Variants in LIN54 observed in about 807,000 individuals in gnomAD.
LIN54 encodes the protein protein lin-54 homolog.
A neutral mutation model predicts 78.7 loss-of-function variants in LIN54; 9 were observed. The observed-to-expected ratio is 0.11, with a 90% CI of 0.07 to 0.20. LIN54 has a LOEUF of 0.20. Ranked by LOEUF, LIN54 falls within the 10% of genes least tolerant of loss-of-function variation. LIN54 has a pLI of 1.00. For synonymous variants in LIN54, 269 were observed against 318.4 expected (o/e 0.84, Z 1.65); for missense variants, 573 against 889.9 (o/e 0.64, Z 4.53).
chr4:82,948,768 A>C (rs1018751216), intron 4 of LIN54, among the ~76,000 whole-genome samples: 2 of 152,040 alleles, frequency 1.3e-5, no homozygotes, highest in Non-Finnish European at 2.9e-5. Flanking sequence ...CAGATTCCAC[A>C]TATGTGAGAT....
In LIN54 at chr4:82,951,014, A is replaced by G. The variant is rs1412520693; in HGVS notation, c.952-4540T>C. ...CACTGAATTTGTATAAATACGTATT[A>G]ATATAGTTTTTAAAAATTTGTGACA... On this transcript the variant is annotated intron_variant, in intron 4 of 12. Coordinates refer to ENST00000340417, the MANE Select transcript of LIN54 (RefSeq NM_194282.4). Among the ~76,000 whole-genome samples the G allele has an allele frequency of 9.2e-5, 14 of 152,178 alleles. No individual in the cohort carries two copies. The East Asian group carries it at 2.5e-3, about 27-fold the overall frequency.
chr4:82,930,285 A>G (rs1721844874), intron 12 of LIN54, among the ~76,000 whole-genome samples: 1 of 152,196 alleles, frequency 6.6e-6, no homozygotes, highest in Admixed American at 6.5e-5. Flanking sequence ...ACTTTCTAAT[A>G]CCAGTCCAGT....
chr4:82,981,601 G>C (rs1329864057), intron 2 of LIN54, among the ~76,000 whole-genome samples: 1 of 152,076 alleles, frequency 6.6e-6, no homozygotes, highest in African/African-American at 2.4e-5. Context: ...AGAGCTTTGA[G>C]GTTACTTCTG....
In LIN54 at chr4:83,010,513, G is replaced by A. The variant is rs1230934021; in HGVS notation, c.-62C>T. The A allele has an allele frequency of 1.8e-6, 2 of 1,097,182 alleles. No individual in the cohort carries two copies. The highest frequency in any genetic ancestry group is 2.2e-6 in the Non-Finnish European group (2 of 904,070). The allele number at this position is 1,097,182 out of a possible 1,614,324, so 68.0% of individuals were successfully genotyped here. On this transcript the variant is annotated 5_prime_UTR_variant, in exon 1 of 13. Transcript: ENST00000340417. ...AGCGGCTGCCGCTTTCTCCTCCCTC[G>A]GGCTCCGAGGTAGGGGCTCCAGAAG...
chr4:82,954,273 C>T (rs1271660001), intron 4 of LIN54, among the ~76,000 whole-genome samples: 1 of 151,536 alleles, frequency 6.6e-6, no homozygotes, highest in Non-Finnish European at 1.5e-5. Flanking sequence ...AAATAAGTTC[C>T]TTAATGTACC....
intron 2 of LIN54, among the ~76,000 whole-genome samples, chr4:82,979,939 CAAAAAAAAAA>C (rs70943176): frequency 1.8e-4 from 9 of 49,872 alleles, no homozygotes; most frequent in Admixed American, 9.6e-4. Context: ...GACTCTGTCT[CAAAAAAAAAA>C]AAAAAAAAAA....
chr4:83,001,900 AGGGAGGGAGGGAGGGAGGGAGGGAGGG>A (rs1578659850), intron 1 of LIN54, among the ~76,000 whole-genome samples: 1 of 1,196 alleles, frequency 8.4e-4, no homozygotes, highest in African/African-American at 2.5e-3. Flanking sequence ...GGAAGGAGGG[AGGGAGGGAGGGAGGGAGGGAGGGAGGG>A]AGGGAAGGAA....
chr4:82,926,886 G>A lies in LIN54; in HGVS notation c.*1216C>T, dbSNP rs934849462. ...AAAAGGGCCTGGCACGGCGGCTTAT[G>A]CCTGTAATCCCAGCACTTTGGGAGG... On this transcript the variant is annotated 3_prime_UTR_variant, in exon 13 of 13. Transcript: ENST00000340417. 1 of 152,222 alleles carries A rather than the reference G, an allele frequency of 6.6e-6. No individual in the cohort carries two copies. Among genetic ancestry groups the A allele is most frequent in the Non-Finnish European group, 1.5e-5 (1 of 68,086 alleles). 9.4% of individuals were successfully genotyped at this position (152,222 alleles called of 1,614,324 possible). A position where few individuals can be genotyped will look rare whatever the true frequency, so the allele number is the denominator to read the frequency against.
intron 1 of LIN54, among the ~76,000 whole-genome samples, chr4:82,990,239 T>C (rs934109796): frequency 2.6e-5 from 4 of 152,170 alleles, no homozygotes; most frequent in Non-Finnish European, 5.9e-5. Context: ...CTTTCAACTC[T>C]CTTTGAAAGC....
Position 82,973,231 on chromosome 4 carries a change from A to G in LIN54, c.809-2762T>C, listed in dbSNP as rs1329159195. On this transcript the variant is annotated intron_variant, in intron 3 of 12. Transcript: ENST00000340417. ...GAGATTGCTTCTGAAAATTTGGACG[A>G]CAGCAAAATGATAAATTATGTCGAT... 2.6e-5 allele frequency among the ~76,000 whole-genome samples: 4 copies of G among 152,338 alleles called. No individual in the cohort carries two copies. The East Asian group carries it at 5.8e-4, about 22-fold the overall frequency.
chr4:82,965,268 C>T (rs975994347), intron 4 of LIN54, among the ~76,000 whole-genome samples: 4 of 151,920 alleles, frequency 2.6e-5, no homozygotes, highest in East Asian at 1.9e-4. Context: ...TGAAGAAAAC[C>T]GAGGATTACT....
At chr4:82,945,897 C>T (rs931983727) in intron 5 of LIN54, among the ~76,000 whole-genome samples, 1 of 152,210 alleles carries the variant, frequency 6.6e-6, no homozygotes, top group African/African-American at 2.4e-5. Flanking sequence ...GTCATTTCAA[C>T]TGACCCAAAC....
rs911856020 is a variant in LIN54, at chr4:82,937,307, A to G, written c.1533-9T>C. ...ACTCTGATGGGATTATGCTGTACAG[A>G]TAGAAAAAAAGATATACATTTAATC... On this transcript the variant is annotated splice_polypyrimidine_tract_variant and intron_variant, in intron 8 of 12. Coordinates refer to ENST00000340417, the MANE Select transcript of LIN54 (RefSeq NM_194282.4). 9 of 1,540,664 alleles carry G rather than the reference A, an allele frequency of 5.8e-6. No homozygotes were observed. The Admixed American group carries it at 9.9e-5, about 17-fold the overall frequency.
At chr4:82,930,277 T>C (rs924373628) in intron 12 of LIN54, among the ~76,000 whole-genome samples, 1 of 152,212 alleles carries the variant, frequency 6.6e-6, no homozygotes, top group African/African-American at 2.4e-5. Flanking sequence ...TCTAACAAAC[T>C]TTCTAATACC....
At chr4:82,928,349 C>G in intron 12 of LIN54, 46 bp from the exon 13 acceptor site, 1 of 1,418,536 alleles carries the variant, frequency 7.0e-7, no homozygotes, top group Non-Finnish European at 1.0e-6. Context: ...TGTTAAATAA[C>G]AACAAAAGTG....
chr4:82,948,331 C>T (rs189796482), intron 4 of LIN54, among the ~76,000 whole-genome samples: 2 of 152,250 alleles, frequency 1.3e-5, no homozygotes, highest in Non-Finnish European at 2.9e-5. Context: ...AACAACCACA[C>T]TATGAGGTAG....
chr4:82,991,976 TA>T (rs1270695152), intron 1 of LIN54, among the ~76,000 whole-genome samples: 1 of 152,212 alleles, frequency 6.6e-6, no homozygotes, highest in Admixed American at 6.5e-5. Context: ...GCTAGCCTAA[TA>T]AAATGAATTG....
intron 4 of LIN54, among the ~76,000 whole-genome samples, chr4:82,962,976 CAAG>C (rs1173784451): frequency 4.6e-5 from 7 of 151,552 alleles, no homozygotes; most frequent in Non-Finnish European, 8.8e-5. Flanking sequence ...ATCATAGATC[CAAG>C]AAGATTTCAA....
At position 82,990,350 on chromosome 4, in the gene LIN54, A is replaced by C. The variant is rs556159432; in HGVS notation, c.-32-5474T>G. 7.9e-5 allele frequency among the ~76,000 whole-genome samples: 12 copies of C among 152,356 alleles called. No individual in the cohort carries two copies. In the East Asian group the frequency reaches 2.1e-3, roughly 27 times the overall value. On this transcript the variant is annotated intron_variant, in intron 1 of 12. Transcript: ENST00000340417. ...TTTGACTCACAGTACAGCAAGGAACATGAGCATTATGTGTGTATCAGTTCC... is the reference window on the plus strand; with the variant it reads ...TTTGACTCACAGTACAGCAAGGAACCTGAGCATTATGTGTGTATCAGTTCC...
Sources: gnomAD v4.1 joint callset for allele counts (sites outside exome capture counted in the v4.1 genomes callset) on GRCh38, gnomAD v4.1.1 for gene constraint, MANE v1.5 for transcripts, NCBI Gene and HGNC (gene_info 2026-07-23, HGNC 2026-07-21) for gene names.